Variants in GABRB2 observed in about 807,000 individuals in gnomAD.
GABRB2 encodes gamma-aminobutyric acid type A receptor subunit beta2.
A neutral mutation model predicts 54.7 loss-of-function variants in GABRB2; 16 were observed. That is an observed-to-expected ratio of 0.29 (90% confidence interval 0.20 to 0.44). The LOEUF is 0.44. GABRB2 is among the 20% of genes least tolerant of loss of function. The pLI is 1.00. For missense variants in GABRB2, 355 were observed against 644.0 expected, an observed-to-expected ratio of 0.55 and a Z score of 4.86; for synonymous variants, 244 against 233.8, an observed-to-expected ratio of 1.04 and a Z score of -0.40.
rs1757328934 is a variant in GABRB2, at chr5:161,294,515, G to A, written c.1192-87C>T. On this transcript the variant is annotated intron_variant, in intron 9 of 9. Coordinates refer to ENST00000393959, the MANE Select transcript of GABRB2 (RefSeq NM_001371727.1). ...GCAAGGCACTATGATCGGCACTTAA[G>A]GGATTTATAGGAGTGGTAAAGAGAG... 7 of 1,107,262 alleles carry A rather than the reference G, an allele frequency of 6.3e-6. No homozygotes were observed. The South Asian group carries it at 1.0e-4, about 17-fold the overall frequency. 68.6% of individuals were successfully genotyped at this position (1,107,262 alleles called of 1,614,324 possible).
intron 5 of GABRB2, among the ~76,000 whole-genome samples, chr5:161,378,984 G>A (rs1262441450): frequency 6.6e-6 from 1 of 152,134 alleles, no homozygotes; most frequent in Non-Finnish European, 1.5e-5. Context: ...CATCTAAAAT[G>A]ATTCAAATAG....
At chr5:161,350,359 A>C (rs1754437996) in intron 5 of GABRB2, among the ~76,000 whole-genome samples, 1 of 152,180 alleles carries the variant, frequency 6.6e-6, no homozygotes, top group African/African-American at 2.4e-5. Flanking sequence ...AAGAAATAAA[A>C]TCAGCATAAA....
chr5:161,456,373 G>A (rs996457197), intron 4 of GABRB2, among the ~76,000 whole-genome samples: 10 of 152,186 alleles, frequency 6.6e-5, no homozygotes, highest in African/African-American at 1.2e-4. Flanking sequence ...ACTCAGGCAG[G>A]TTGTTCATTA....
In GABRB2 at chr5:161,348,859, C is replaced by T. The variant is rs549535251; in HGVS notation, c.542-12090G>A. On this transcript the variant is annotated intron_variant, in intron 5 of 9. Coordinates refer to ENST00000393959, the MANE Select transcript of GABRB2 (RefSeq NM_001371727.1). ...ATTTAATGTAACTCATTTGGTTATC[C>T]TTTGATGAAGTGGAGCTTGTATATT... 5.3e-5 allele frequency among the ~76,000 whole-genome samples: 8 copies of T among 151,804 alleles called. No homozygotes were observed. The East Asian group carries it at 7.8e-4, about 15-fold the overall frequency.
At chr5:161,327,626 C>T (rs1033844600) in intron 8 of GABRB2, among the ~76,000 whole-genome samples, 13 of 152,038 alleles carry the variant, frequency 8.6e-5, no homozygotes, top group African/African-American at 2.4e-4. Flanking sequence ...GAAAAAAATG[C>T]GGTAGCATCT....
intron 4 of GABRB2, among the ~76,000 whole-genome samples, chr5:161,416,310 A>G (rs1399410659): frequency 6.6e-6 from 1 of 152,120 alleles, no homozygotes; most frequent in Non-Finnish European, 1.5e-5. Context: ...TTAATCAATA[A>G]CAAATGACTT....
chr5:161,513,384 T>A (rs897847258), intron 3 of GABRB2, among the ~76,000 whole-genome samples: 4 of 151,948 alleles, frequency 2.6e-5, no homozygotes, highest in African/African-American at 7.3e-5. Context: ...CCAACCTAAG[T>A]GCCCATCAAC....
intron 9 of GABRB2, among the ~76,000 whole-genome samples, chr5:161,303,468 T>A (rs1757596062): frequency 6.6e-6 from 1 of 152,156 alleles, no homozygotes; most frequent in Non-Finnish European, 1.5e-5. Flanking sequence ...TGTCATCTTC[T>A]ACTTCTGACA....
At chr5:161,393,628 G>C (rs1324025999) in intron 5 of GABRB2, among the ~76,000 whole-genome samples, 1 of 151,976 alleles carries the variant, frequency 6.6e-6, no homozygotes, top group Non-Finnish European at 1.5e-5. Context: ...CCTATAAAAT[G>C]CACTTTGAGA....
At position 161,344,124 on chromosome 5, in the gene GABRB2, C is replaced by A. The variant is rs984057948; in HGVS notation, c.542-7355G>T. On this transcript the variant is annotated intron_variant, in intron 5 of 9. Transcript: ENST00000393959. The stretch of plus-strand genomic sequence containing the variant: ...AGGCAAGGAAAATCTTGTATCTAGC[C>A]GTATCCAAAGAAGAACAAAATTTTT... Among the ~76,000 whole-genome samples, 4 of 151,976 alleles carry A rather than the reference C, an allele frequency of 2.6e-5. No homozygotes were observed. The East Asian group carries it at 7.8e-4, about 29-fold the overall frequency.
intron 5 of GABRB2, among the ~76,000 whole-genome samples, chr5:161,359,440 G>GACACAC (rs57251440): frequency 0.031 from 4,517 of 147,780 alleles, 89 homozygotes; most frequent in Non-Finnish European, 0.046. Context: ...AATTGCATCT[G>GACACAC]ACACACACAC....
intron 5 of GABRB2, among the ~76,000 whole-genome samples, chr5:161,409,978 CA>C (rs1756459348): frequency 6.6e-6 from 1 of 151,944 alleles, no homozygotes; most frequent in Admixed American, 6.6e-5. Context: ...TTAAATTGGG[CA>C]AAAATATCCA....
intron 3 of GABRB2, among the ~76,000 whole-genome samples, chr5:161,521,392 C>T (rs904263617): frequency 2.0e-5 from 3 of 151,474 alleles, no homozygotes; most frequent in Admixed American, 6.6e-5. Context: ...ATTCTATTTA[C>T]GAACCATATA....
At chr5:161,539,505 T>C (rs1451198795) in intron 3 of GABRB2, among the ~76,000 whole-genome samples, 2 of 152,248 alleles carry the variant, frequency 1.3e-5, no homozygotes. Context: ...AGAGCTACTA[T>C]AACTAGCCAA....
At chr5:161,369,419 G>A (rs1450749245) in intron 5 of GABRB2, among the ~76,000 whole-genome samples, 3 of 152,160 alleles carry the variant, frequency 2.0e-5, no homozygotes, top group African/African-American at 7.2e-5. Context: ...ACATATGAGT[G>A]AATAGCCTCT....
At position 161,538,329 on chromosome 5, in the gene GABRB2, G is replaced by A. The variant is rs561607465; in HGVS notation, c.237+6898C>T. ...GATGTAATTTATAAACATGATGGAGGAAGACAGAATAAATACGTAAAATAT... is the reference window on the plus strand; with the variant it reads ...GATGTAATTTATAAACATGATGGAGAAAGACAGAATAAATACGTAAAATAT... On this transcript the variant is annotated intron_variant, in intron 3 of 9. Transcript: ENST00000393959. Among the ~76,000 whole-genome samples, 271 of 152,294 alleles carry A rather than the reference G, an allele frequency of 1.8e-3. 1 individual carries two copies. Among genetic ancestry groups the A allele is most frequent in the Non-Finnish European group, 3.1e-3 (211 of 68,034 alleles).
chr5:161,532,970 G>T (rs1391536144), intron 3 of GABRB2, among the ~76,000 whole-genome samples: 1 of 152,044 alleles, frequency 6.6e-6, no homozygotes, highest in Non-Finnish European at 1.5e-5. Context: ...TTCATGTATT[G>T]CTTTTCTAAG....
chr5:161,345,828 C>T (rs944179556), intron 5 of GABRB2, among the ~76,000 whole-genome samples: 15 of 152,088 alleles, frequency 9.9e-5, no homozygotes, highest in African/African-American at 2.9e-4. Flanking sequence ...GAACCATGTC[C>T]GGTCCTTCTC....
At chr5:161,519,397 C>A (rs953832035) in intron 3 of GABRB2, among the ~76,000 whole-genome samples, 1 of 152,132 alleles carries the variant, frequency 6.6e-6, no homozygotes, top group African/African-American at 2.4e-5. Context: ...AGATACACAC[C>A]CATGACTTTA....
Sources: allele counts gnomAD v4.1 joint callset (sites outside exome capture counted in the v4.1 genomes callset), GRCh38; gene constraint gnomAD v4.1.1; transcripts MANE v1.5; gene names NCBI Gene and HGNC (gene_info 2026-07-23, HGNC 2026-07-21).